ABCA12: variants seen among roughly 807,000 people sequenced by gnomAD.
ABCA12 encodes the protein glucosylceramide transporter ABCA12.
In ABCA12, 156 loss-of-function variants were observed where a neutral mutation model predicts 293.5. The observed-to-expected ratio is 0.53, with a 90% CI of 0.47 to 0.61. The LOEUF (loss-of-function observed/expected upper bound fraction) is 0.61. Ranked by LOEUF, ABCA12 falls within the 20% of genes least tolerant of loss-of-function variation. ABCA12 has a pLI of 0.00. For synonymous variants in ABCA12, 1,063 were observed against 1,108.0 expected (o/e 0.96, Z 0.81); for missense variants, 2,797 against 3,090.2 (o/e 0.91, Z 2.25).
At chr2:215,134,047 T>A (rs1409612314) in intron 1 of ABCA12, among the ~76,000 whole-genome samples, 1 of 151,990 alleles carries the variant, frequency 6.6e-6, no homozygotes, top group Non-Finnish European at 1.5e-5. Flanking sequence ...TTCTGATATC[T>A]TACTTTACAA....
chr2:215,011,552 G>A lies in ABCA12; in HGVS notation c.2219C>T (p.Thr740Ile). 1 of 1,614,092 alleles carries A rather than the reference G, an allele frequency of 6.2e-7. No individual in the cohort carries two copies. The highest frequency in any genetic ancestry group is 8.5e-7 in the Non-Finnish European group (1 of 1,179,942). The change falls in exon 17 of 53, where the codon ACT becomes ATT. Residue 740 changes from threonine (T) to isoleucine (I), a missense_variant. Physicochemically the swap from Thr to Ile is moderately conservative, Grantham distance 89. Around this residue, in one of 3 missense-constraint regions of ABCA12, gnomAD observed 2,130 missense variants for 2,427.0 expected, o/e 0.88. Coordinates refer to ENST00000272895, the MANE Select transcript of ABCA12 (RefSeq NM_173076.3). ...CCTCTGGGAAGAGGGCAGCATGGCA[G>A]TTAAATATTCAGTGGTAATTCCTTG... ...CSQGITTEYL[T>I]AMLPSSQRPK... is the part of the protein sequence containing the mutation.
At chr2:215,069,707 A>T (rs539975552) in intron 2 of ABCA12, among the ~76,000 whole-genome samples, 3 of 152,262 alleles carry the variant, frequency 2.0e-5, no homozygotes, top group Non-Finnish European at 4.4e-5. Context: ...GATAAAATCA[A>T]ATACACCAGT....
At chr2:214,940,444 G>A (rs1278005425) in intron 50 of ABCA12, among the ~76,000 whole-genome samples, 1 of 152,028 alleles carries the variant, frequency 6.6e-6, no homozygotes, top group Non-Finnish European at 1.5e-5. Flanking sequence ...TTGTGTCTCT[G>A]CCAGGGTTTG....
chr2:214,980,606 C>T lies in ABCA12; in HGVS notation c.4617G>A (p.Glu1539=). The T allele has an allele frequency of 1.2e-6, 2 of 1,614,082 alleles. No homozygotes were observed. The highest frequency in any genetic ancestry group is 1.7e-6 in the Non-Finnish European group (2 of 1,180,000). ...CGATGCGGTCACTCAGCACTTCAGC[C>T]TCGTCCAAGTGGTGCGTTGACAGAA... is the stretch of plus-strand genomic sequence containing the variant. ...TIILSTHHLD[E]AEVLSDRIAF... is the part of the protein sequence containing the mutation. The change falls in exon 31 of 53, where the codon GAG becomes GAA. Residue 1539 remains glutamate (E), a synonymous_variant. Coordinates refer to ENST00000272895, the MANE Select transcript of ABCA12 (RefSeq NM_173076.3).
intron 1 of ABCA12, among the ~76,000 whole-genome samples, chr2:215,127,093 G>T (rs1300768338): frequency 6.6e-6 from 1 of 152,130 alleles, no homozygotes; most frequent in African/African-American, 2.4e-5. Flanking sequence ...CCATGTGTTT[G>T]CATGGTTGTG....
intron 4 of ABCA12, among the ~76,000 whole-genome samples, 177 bp from the exon 5 acceptor site, chr2:215,052,761 T>C (rs988812235): frequency 8.5e-5 from 13 of 152,154 alleles, no homozygotes; most frequent in Non-Finnish European, 1.5e-5. Flanking sequence ...CCATGAGTTT[T>C]TCTTTTCATA....
At chr2:214,951,710 T>A (rs1298261883) in intron 44 of ABCA12, among the ~76,000 whole-genome samples, 2 of 152,164 alleles carry the variant, frequency 1.3e-5, no homozygotes, top group African/African-American at 2.4e-5. Context: ...TGAGCCAAGA[T>A]CACGCTACTG....
intron 1 of ABCA12, among the ~76,000 whole-genome samples, chr2:215,127,134 G>C (rs1702944322): frequency 6.6e-6 from 1 of 152,066 alleles, no homozygotes; most frequent in Non-Finnish European, 1.5e-5. Context: ...TTTCCAGTTT[G>C]ATTCCACTGT....
chr2:215,060,190 T>C (rs1020469045), intron 3 of ABCA12, among the ~76,000 whole-genome samples: 1 of 152,094 alleles, frequency 6.6e-6, no homozygotes, highest in Non-Finnish European at 1.5e-5. Context: ...TACCATGTTA[T>C]ATAGCAGTTT....
chr2:215,076,106 A>G (rs980443973), intron 2 of ABCA12, among the ~76,000 whole-genome samples: 2 of 152,216 alleles, frequency 1.3e-5, no homozygotes, highest in African/African-American at 4.8e-5. Context: ...AGCACTGCTG[A>G]CAGGTAGCAA....
At chr2:215,102,029 G>A (rs558081780) in intron 2 of ABCA12, among the ~76,000 whole-genome samples, 16 of 104,564 alleles carry the variant, frequency 1.5e-4, no homozygotes, top group Non-Finnish European at 2.4e-4. Flanking sequence ...GTTTGTACAC[G>A]TGTGTGTGTG....
intron 39 of ABCA12, chr2:214,962,272 G>A (rs1699135256): frequency 6.6e-6 from 1 of 152,160 alleles, no homozygotes; most frequent in Non-Finnish European, 1.5e-5. Flanking sequence ...GCATGGCTGA[G>A]TCCAGAGGAG....
intron 2 of ABCA12, among the ~76,000 whole-genome samples, chr2:215,103,259 ATTTC>A (rs1393061182): frequency 5.2e-5 from 6 of 116,410 alleles, no homozygotes; most frequent in African/African-American, 2.4e-4. Flanking sequence ...GTCTCTTAAA[ATTTC>A]TTTCTTTTTT....
At chr2:215,130,908 T>A (rs1378159381) in intron 1 of ABCA12, among the ~76,000 whole-genome samples, 1 of 151,522 alleles carries the variant, frequency 6.6e-6, no homozygotes, top group Non-Finnish European at 1.5e-5. Context: ...TTTTGAGGTA[T>A]GTTTCATTTA....
At position 215,019,747 on chromosome 2, in the gene ABCA12, A is replaced by G. The variant is rs1311880996; in HGVS notation, c.1337T>C (p.Phe446Ser). The change falls in exon 12 of 53, where the codon TTC (phenylalanine) becomes TCC (serine). Residue 446 changes from phenylalanine (F) to serine (S), a missense_variant. Around this residue, in one of 3 missense-constraint regions of ABCA12, gnomAD observed 656 missense variants for 638.2 expected, o/e 1.03. Coordinates refer to ENST00000272895, the MANE Select transcript of ABCA12 (RefSeq NM_173076.3). ...LTELLCESET[F>S]SLIEKSCQLS... ...CTGGCATGACTTCTCTATCAAACTGAAAGTTTCAGATTCACAAAGAAGTTC... is the reference window on the plus strand; with the variant it reads ...CTGGCATGACTTCTCTATCAAACTGGAAGTTTCAGATTCACAAAGAAGTTC... The G allele has an allele frequency of 4.3e-6, 7 of 1,613,884 alleles. No homozygotes were observed. Among genetic ancestry groups the G allele is most frequent in the African/African-American group, 1.3e-5 (1 of 74,916 alleles).
At chr2:214,958,230 C>G (rs771527429) in intron 41 of ABCA12, 47 bp downstream of exon 41, 1 of 1,606,468 alleles carries the variant, frequency 6.2e-7, no homozygotes, top group South Asian at 1.1e-5. Context: ...TGTCTTCTAT[C>G]CAAATTGATC....
chr2:215,000,604 G>T, intron 22 of ABCA12, 101 bp downstream of exon 22: 1 of 1,405,988 alleles, frequency 7.1e-7, no homozygotes, highest in Non-Finnish European at 1.0e-6. Flanking sequence ...AAAGTTTGGT[G>T]AATGTTGTTC....
At chr2:215,127,162 G>T (rs922391094) in intron 1 of ABCA12, among the ~76,000 whole-genome samples, 2 of 152,118 alleles carry the variant, frequency 1.3e-5, no homozygotes, top group African/African-American at 4.8e-5. Context: ...GAAAGTGCTT[G>T]ATATAATTTC....
rs374707261 is a variant in ABCA12, at chr2:215,054,565, T to G, written c.409+8A>C. On this transcript the variant is annotated splice_region_variant and intron_variant, in intron 4 of 52. Transcript: ENST00000272895. ...TTGTTCTGAACTCTACAGAAGAAAA[T>G]AGCTTACCTAGTGATGCATGCCTTC... The G allele has an allele frequency of 3.1e-6, 5 of 1,605,362 alleles. No homozygotes were observed. In the South Asian group the frequency reaches 4.4e-5, roughly 14 times the overall value.
Sources: allele counts gnomAD v4.1 joint callset (sites outside exome capture counted in the v4.1 genomes callset), GRCh38; gene constraint gnomAD v4.1.1; regional missense constraint gnomAD v4.1.1; transcripts MANE v1.5; gene names NCBI Gene and HGNC (gene_info 2026-07-23, HGNC 2026-07-21).